PPEF1: variants seen among roughly 807,000 people sequenced by gnomAD.
The protein encoded by PPEF1 is serine/threonine-protein phosphatase with EF-hands 1.
PPEF1 carries 12 observed loss-of-function variants against 53.3 expected under a neutral mutation model. The ratio of observed to expected loss-of-function variants is 0.23; its 90% CI spans 0.14 to 0.36. The LOEUF is 0.36. PPEF1 is among the 10% of genes least tolerant of loss of function. PPEF1 has a pLI of 1.00. For missense variants in PPEF1, 334 were observed against 490.4 expected (o/e 0.68, Z 3.01); for synonymous variants, 165 against 176.7 (o/e 0.93, Z 0.52).
intron 1 of PPEF1, among the ~76,000 whole-genome samples, chrX:18,683,210 G>A (rs1312539004): frequency 9.0e-6 from 1 of 111,518 alleles, no homozygotes; most frequent in Non-Finnish European, 1.9e-5. Flanking sequence ...CGTATCACCT[G>A]GGTTGTGGTT....
At chrX:18,818,375 T>TC (rs2046962182) in intron 13 of PPEF1, among the ~76,000 whole-genome samples, 1 of 106,940 alleles carries the variant, frequency 9.4e-6, no homozygotes, top group Admixed American at 1.0e-4. Context: ...TTAAACTTTT[T>TC]TTTTTTTTTT....
chrX:18,683,384 C>T (rs775179937), intron 1 of PPEF1, among the ~76,000 whole-genome samples: 10 of 111,140 alleles, frequency 9.0e-5, no homozygotes, highest in African/African-American at 2.3e-4. Context: ...GAGGAATATC[C>T]GTTCCTCTTT....
upstream of PPEF1, among the ~76,000 whole-genome samples, chrX:18,706,239 GA>G (rs1007160537): frequency 3.1e-5 from 3 of 96,305 alleles, no homozygotes. Context: ...AAAAAAAAAG[GA>G]ATGCAAATAT....
At chrX:18,757,338 T>C (rs1381600615) in intron 4 of PPEF1, among the ~76,000 whole-genome samples, 2 of 110,903 alleles carry the variant, frequency 1.8e-5, no homozygotes, top group Non-Finnish European at 3.8e-5. Context: ...ATTATTACAA[T>C]TGGCTTTTTG....
At chrX:18,686,160 G>T (rs918409615) in exon 3 of PPEF1, 5 of 111,646 alleles carry the variant, frequency 4.5e-5, no homozygotes, top group Admixed American at 1.9e-4. Flanking sequence ...TCTTGTAGTT[G>T]CCTGTGGCAG....
intron 5 of PPEF1, among the ~76,000 whole-genome samples, chrX:18,699,746 GTGGAGTATAAA>G (rs1929951303): frequency 9.0e-6 from 1 of 111,629 alleles, no homozygotes; most frequent in Non-Finnish European, 1.9e-5. Flanking sequence ...TGAACAGCTG[GTGGAGTATAAA>G]TGTCTTATGA....
intron 3 of PPEF1, among the ~76,000 whole-genome samples, chrX:18,737,761 T>C (rs2045023558): frequency 1.8e-5 from 2 of 110,424 alleles, no homozygotes; most frequent in Admixed American, 1.9e-4. Flanking sequence ...GGAGTCTAAG[T>C]CTCTTTGTAG....
chrX:18,723,878 C>T (rs2044645774), intron 1 of PPEF1, among the ~76,000 whole-genome samples: 1 of 109,800 alleles, frequency 9.1e-6, no homozygotes, highest in Non-Finnish European at 1.9e-5. Flanking sequence ...CTCCCGGGTT[C>T]AAGTGATTCT....
At chrX:18,806,914 A>G (rs1569269980) in intron 12 of PPEF1, among the ~76,000 whole-genome samples, 1 of 111,849 alleles carries the variant, frequency 8.9e-6, no homozygotes, top group East Asian at 2.8e-4. Context: ...TGTATGTGAC[A>G]AATAGTTGAG....
At chrX:18,699,814 A>T (rs758253607) in intron 5 of PPEF1, among the ~76,000 whole-genome samples, 3 of 112,283 alleles carry the variant, frequency 2.7e-5, no homozygotes, top group South Asian at 7.4e-4. Flanking sequence ...AACCAAGGAA[A>T]AATGTTTAGT....
At chrX:18,811,371 A>G (rs1021084601) in intron 12 of PPEF1, among the ~76,000 whole-genome samples, 12 of 108,602 alleles carry the variant, frequency 1.1e-4, no homozygotes, top group African/African-American at 4.0e-4. Flanking sequence ...CTTTTTTCTT[A>G]TTGTTCTCTT....
intron 11 of PPEF1, among the ~76,000 whole-genome samples, chrX:18,805,170 A>G (rs1355975731): frequency 1.8e-5 from 2 of 108,855 alleles, no homozygotes; most frequent in African/African-American, 6.7e-5. Context: ...AACTTTTAGT[A>G]GAGACAAGGT....
chrX:18,824,170 A>C, intron 14 of PPEF1, 84 bp downstream of exon 14: 1 of 983,716 alleles, frequency 1.0e-6, no homozygotes, highest in Admixed American at 2.9e-5. Context: ...GGCCGGGCAC[A>C]GTGGCTCACG....
intron 3 of PPEF1, among the ~76,000 whole-genome samples, chrX:18,744,166 C>T (rs765241217): frequency 7.4e-4 from 83 of 112,310 alleles, no homozygotes; most frequent in African/African-American, 2.6e-3. Flanking sequence ...GCTGGGATTA[C>T]AGGCGTGAGC....
At chrX:18,732,778 C>G (rs1253167902) in intron 2 of PPEF1, among the ~76,000 whole-genome samples, 4 of 112,275 alleles carry the variant, frequency 3.6e-5, no homozygotes, top group African/African-American at 9.7e-5. Flanking sequence ...TTGCAGATAC[C>G]TGGTGGCCAT....
At chrX:18,771,960 C>T (rs767893258) in intron 6 of PPEF1, among the ~76,000 whole-genome samples, 49 of 110,691 alleles carry the variant, frequency 4.4e-4, no homozygotes, top group Middle Eastern at 9.3e-3. Context: ...ACTAAAAGTA[C>T]AAAAATTAGC....
intron 10 of PPEF1, among the ~76,000 whole-genome samples, chrX:18,800,853 T>G (rs1369309238): frequency 9.0e-6 from 1 of 111,697 alleles, no homozygotes; most frequent in Non-Finnish European, 1.9e-5. Context: ...GAGGGGCAAC[T>G]ATATATGTTA....
intron 7 of PPEF1, 115 bp downstream of exon 7, chrX:18,779,291 T>A: frequency 1.4e-6 from 1 of 717,796 alleles, no homozygotes; most frequent in Middle Eastern, 4.3e-4. Context: ...ATGAGGGGGA[T>A]CTCAAGGAGG....
intron 4 of PPEF1, among the ~76,000 whole-genome samples, chrX:18,692,150 A>T (rs1025967453): frequency 1.9e-4 from 21 of 112,052 alleles, no homozygotes; most frequent in African/African-American, 6.8e-4. Context: ...TTATTTCCTG[A>T]GCTCCAAACC....
Sources: allele counts gnomAD v4.1 joint callset (sites outside exome capture counted in the v4.1 genomes callset), GRCh38; gene constraint gnomAD v4.1.1; transcripts MANE v1.5; gene names NCBI Gene and HGNC (gene_info 2026-07-23, HGNC 2026-07-21).